CPNE3: variants seen among roughly 807,000 people sequenced by gnomAD.
CPNE3 encodes the protein copine-3.
In CPNE3, 68 loss-of-function variants were observed where a neutral mutation model predicts 63.9. The ratio of observed to expected loss-of-function variants is 1.06; its 90% CI spans 0.87 to 1.30. The LOEUF is 1.30. Among genes scored for constraint, CPNE3 ranks in the 50% most tolerant of loss-of-function variants. CPNE3 has a pLI of 0.00. For missense variants in CPNE3, 665 were observed against 578.1 expected (o/e 1.15, Z -1.54); for synonymous variants, 219 against 197.5 (o/e 1.11, Z -0.91).
intron 6 of CPNE3, among the ~76,000 whole-genome samples, chr8:86,534,950 A>G (rs1323195968): frequency 6.6e-6 from 1 of 152,172 alleles, no homozygotes; most frequent in Non-Finnish European, 1.5e-5. Flanking sequence ...AGATTTAAAT[A>G]TTTATAACTG....
chr8:86,553,387 T>G, intron 14 of CPNE3, among the ~76,000 whole-genome samples: 1 of 152,178 alleles, frequency 6.6e-6, no homozygotes, highest in Non-Finnish European at 1.5e-5. Context: ...AGTATGGTCA[T>G]GCACTAAAAA....
intron 8 of CPNE3, among the ~76,000 whole-genome samples, chr8:86,542,883 T>A (rs1025195194): frequency 6.6e-6 from 1 of 152,126 alleles, no homozygotes; most frequent in Non-Finnish European, 1.5e-5. Context: ...AATTTTAACG[T>A]ATGAATAGTC....
chr8:86,539,684 A>C (rs902366383), intron 7 of CPNE3, among the ~76,000 whole-genome samples: 3 of 92,574 alleles, frequency 3.2e-5, no homozygotes, highest in Non-Finnish European at 6.2e-5. Flanking sequence ...TTTTTTTGAG[A>C]CGTTGTCTTG....
At chr8:86,544,351 A>G (rs908570957) in intron 8 of CPNE3, among the ~76,000 whole-genome samples, 1 of 152,208 alleles carries the variant, frequency 6.6e-6, no homozygotes, top group African/African-American at 2.4e-5. Flanking sequence ...CTTTCTCCAT[A>G]TAATGGCTTT....
In CPNE3 at chr8:86,559,776, T is replaced by C. The variant is rs955948553; in HGVS notation, c.*1366T>C. ...GCTAAAAACTATGCATATCTATATA[T>C]TGGCCAATTATCTTTAATAATTTAC... On this transcript the variant is annotated 3_prime_UTR_variant, in exon 17 of 17. Coordinates refer to ENST00000517490, the MANE Select transcript of CPNE3 (RefSeq NM_003909.5). The C allele has an allele frequency of 2.0e-5, 3 of 152,246 alleles. No homozygotes were observed. The highest frequency in any genetic ancestry group is 4.4e-5 in the Non-Finnish European group (3 of 68,044). The allele number at this position is 152,246 out of a possible 1,614,324, so 9.4% of individuals were successfully genotyped here. A position where few individuals can be genotyped will look rare whatever the true frequency, so the allele number is the denominator to read the frequency against.
At chr8:86,540,473 T>C in intron 8 of CPNE3, 139 bp downstream of exon 8, 1 of 378,154 alleles carries the variant, frequency 2.6e-6, no homozygotes. Flanking sequence ...GTGTGTAGAA[T>C]ACTAAAATAG....
In CPNE3 at chr8:86,559,534, A is replaced by G. The variant is rs1049433607; in HGVS notation, c.*1124A>G. 14 of 152,158 alleles carry G rather than the reference A, an allele frequency of 9.2e-5. No individual in the cohort carries two copies. Among genetic ancestry groups the G allele is most frequent in the South Asian group, 6.2e-4 (3 of 4,830 alleles). The allele number at this position is 152,158 out of a possible 1,614,324, so 9.4% of individuals were successfully genotyped here. A position where few individuals can be genotyped will look rare whatever the true frequency, so the allele number is the denominator to read the frequency against. On this transcript the variant is annotated 3_prime_UTR_variant, in exon 17 of 17. Coordinates refer to ENST00000517490, the MANE Select transcript of CPNE3 (RefSeq NM_003909.5). Reference sequence around the variant, plus strand: ...TAATAATGTGATATTTCCTATGTCTACAGCATACCTTATTAGGTATAAAAC... The same window carrying G: ...TAATAATGTGATATTTCCTATGTCTGCAGCATACCTTATTAGGTATAAAAC...
At position 86,547,678 on chromosome 8, in the gene CPNE3, G is replaced by A. The variant is rs752167989; in HGVS notation, c.820-33G>A. On this transcript the variant is annotated intron_variant, in intron 10 of 16. Transcript: ENST00000517490. Reference sequence around the variant, plus strand: ...TTTTTGCTTCTCTTGTATAGTAGGAGAGTTGTAATTTTAAGTTTTCTCTTA... The same window carrying A: ...TTTTTGCTTCTCTTGTATAGTAGGAAAGTTGTAATTTTAAGTTTTCTCTTA... The A allele has an allele frequency of 4.5e-6, 4 of 888,182 alleles. No homozygotes were observed. In the South Asian group the frequency reaches 5.6e-5, roughly 12 times the overall value. The allele number at this position is 888,182 out of a possible 1,614,324, so 55.0% of individuals were successfully genotyped here. A position where few individuals can be genotyped will look rare whatever the true frequency, so the allele number is the denominator to read the frequency against.
intron 2 of CPNE3, among the ~76,000 whole-genome samples, chr8:86,527,067 G>A (rs1363151848): frequency 2.0e-5 from 3 of 152,100 alleles, no homozygotes; most frequent in African/African-American, 7.2e-5. Flanking sequence ...TACAGCACAG[G>A]AATCTTACTG....
At chr8:86,541,426 G>A (rs984311750) in intron 8 of CPNE3, among the ~76,000 whole-genome samples, 22 of 151,966 alleles carry the variant, frequency 1.4e-4, no homozygotes, top group African/African-American at 2.7e-4. Flanking sequence ...CATTTTTGCC[G>A]GGCATGGTGG....
At chr8:86,534,598 G>T (rs1820761220) in intron 6 of CPNE3, among the ~76,000 whole-genome samples, 1 of 152,190 alleles carries the variant, frequency 6.6e-6, no homozygotes. Context: ...GGAGGTTGCA[G>T]TGAGCCGAGA....
intron 6 of CPNE3, among the ~76,000 whole-genome samples, chr8:86,535,232 C>T (rs1216107478): frequency 1.3e-5 from 2 of 152,104 alleles, no homozygotes; most frequent in Admixed American, 6.5e-5. Context: ...TATTTAGAGA[C>T]CACAGTCCAC....
Position 86,548,490 on chromosome 8 carries a change from G to C in CPNE3, c.1013+56G>C, listed in dbSNP as rs1586846888. ...ATGTTTTCACAATTCCCCAGAAAGG[G>C]TAGTTTGTTTCATCGGCTAGCACTC... is the stretch of plus-strand genomic sequence containing the variant. On this transcript the variant is annotated intron_variant, in intron 12 of 16. Coordinates refer to ENST00000517490, the MANE Select transcript of CPNE3 (RefSeq NM_003909.5). 5.6e-6 allele frequency: 9 copies of C among 1,607,826 alleles called. No homozygotes were observed. The East Asian group carries it at 2.0e-4, about 36-fold the overall frequency.
At chr8:86,547,881 T>TC in intron 11 of CPNE3, 111 bp downstream of exon 11, 2 of 657,722 alleles carry the variant, frequency 3.0e-6, no homozygotes, top group Non-Finnish European at 2.7e-6. Context: ...CTGTTTAGCA[T>TC]AGTCCTCTTA....
intron 8 of CPNE3, among the ~76,000 whole-genome samples, chr8:86,544,412 A>G (rs1437594820): frequency 1.3e-5 from 2 of 152,150 alleles, no homozygotes; most frequent in East Asian, 1.9e-4. Context: ...AGAAGATATA[A>G]CTCCATTTTG....
intron 2 of CPNE3, among the ~76,000 whole-genome samples, chr8:86,521,973 TA>T (rs368599439): frequency 4.6e-5 from 7 of 150,944 alleles, no homozygotes; most frequent in Admixed American, 2.6e-4. Flanking sequence ...TTGAAAATTG[TA>T]AAAAAAAACA....
chr8:86,539,729 C>T (rs1586840332), intron 7 of CPNE3, among the ~76,000 whole-genome samples: 1 of 138,428 alleles, frequency 7.2e-6, no homozygotes, highest in Admixed American at 7.8e-5. Context: ...GTGGCACGAT[C>T]TCCACTCACG....
intron 14 of CPNE3, among the ~76,000 whole-genome samples, chr8:86,552,328 GTGTT>G (rs559895760): frequency 1.3e-3 from 195 of 152,306 alleles, no homozygotes; most frequent in Middle Eastern, 3.4e-3. Context: ...TACTAATTCA[GTGTT>G]CTTTGAGGCA....
At chr8:86,540,627 T>C (rs1820916399) in intron 8 of CPNE3, among the ~76,000 whole-genome samples, 1 of 152,184 alleles carries the variant, frequency 6.6e-6, no homozygotes. Flanking sequence ...TTTTTCCTTT[T>C]AATAAGATTC....
Sources: allele counts gnomAD v4.1 joint callset (sites outside exome capture counted in the v4.1 genomes callset), GRCh38; gene constraint gnomAD v4.1.1; transcripts MANE v1.5; gene names NCBI Gene and HGNC (gene_info 2026-07-23, HGNC 2026-07-21).